Variants in CLYBL observed in about 807,000 individuals in gnomAD.
The protein encoded by CLYBL is citramalyl-CoA lyase.
In CLYBL, 31 loss-of-function variants were observed where a neutral mutation model predicts 38.9. That is an observed-to-expected ratio of 0.80 (90% confidence interval 0.60 to 1.08). The LOEUF (loss-of-function observed/expected upper bound fraction) is 1.08. CLYBL is among the 50% of genes least tolerant of loss of function. CLYBL has a pLI of 0.00. For missense variants in CLYBL, 434 were observed against 411.6 expected (o/e 1.05, Z -0.47); for synonymous variants, 171 against 158.6 (o/e 1.08, Z -0.59).
chr13:99,700,307 T>C (rs1174085896), intron 1 of CLYBL, among the ~76,000 whole-genome samples: 1 of 151,842 alleles, frequency 6.6e-6, no homozygotes, highest in African/African-American at 2.4e-5. Context: ...TAGGCGAGCA[T>C]GGTGGCGCGC....
intron 2 of CLYBL, among the ~76,000 whole-genome samples, chr13:99,775,940 G>A (rs1034916003): frequency 1.3e-5 from 2 of 151,850 alleles, no homozygotes; most frequent in Non-Finnish European, 2.9e-5. Context: ...GAGGTGGGCA[G>A]ATCACAAGGT....
At chr13:99,607,755 A>T (rs561439878) in intron 1 of CLYBL, among the ~76,000 whole-genome samples, 2 of 151,828 alleles carry the variant, frequency 1.3e-5, no homozygotes, top group Non-Finnish European at 2.9e-5. Flanking sequence ...ATTTATTTTT[A>T]TTTTTTGAGA....
intron 3 of CLYBL, among the ~76,000 whole-genome samples, chr13:99,861,286 A>G (rs1016278333): frequency 6.6e-6 from 1 of 152,126 alleles, no homozygotes; most frequent in African/African-American, 2.4e-5. Flanking sequence ...AAATGCCCCT[A>G]TTGGCTTAAA....
intron 1 of CLYBL, among the ~76,000 whole-genome samples, chr13:99,710,028 A>C (rs1427187829): frequency 7.1e-6 from 1 of 140,938 alleles, no homozygotes; most frequent in Non-Finnish European, 1.5e-5. Flanking sequence ...GGTTCACGCC[A>C]TTCTCCTGCC....
intron 1 of CLYBL, among the ~76,000 whole-genome samples, chr13:99,613,263 A>G (rs1470077318): frequency 2.0e-5 from 3 of 152,142 alleles, no homozygotes; most frequent in African/African-American, 7.2e-5. Context: ...CCAGGAAGGT[A>G]CTTCACATTT....
intron 1 of CLYBL, among the ~76,000 whole-genome samples, chr13:99,688,338 G>C (rs908821984): frequency 2.6e-5 from 4 of 151,922 alleles, no homozygotes; most frequent in African/African-American, 9.7e-5. Flanking sequence ...TTAAAAGTGA[G>C]AAAAATATTA....
At chr13:99,743,988 T>TTG (rs2048803760) in intron 1 of CLYBL, among the ~76,000 whole-genome samples, 1 of 146,904 alleles carries the variant, frequency 6.8e-6, no homozygotes, top group African/African-American at 2.5e-5. Flanking sequence ...TTTTTTTTTT[T>TTG]TTGAGACGGA....
intron 2 of CLYBL, among the ~76,000 whole-genome samples, chr13:99,839,334 G>A (rs934586510): frequency 1.9e-4 from 29 of 152,174 alleles, no homozygotes; most frequent in Non-Finnish European, 7.3e-5. Flanking sequence ...GGAAACATAC[G>A]GACCACACTT....
At chr13:99,669,925 G>T (rs2047540065) in intron 1 of CLYBL, among the ~76,000 whole-genome samples, 2 of 152,192 alleles carry the variant, frequency 1.3e-5, no homozygotes, top group African/African-American at 4.8e-5. Flanking sequence ...GGGCGCCATG[G>T]CTTACGCCTG....
intron 1 of CLYBL, among the ~76,000 whole-genome samples, chr13:99,711,426 T>TTA (rs2048230025): frequency 8.0e-6 from 1 of 124,832 alleles, no homozygotes; most frequent in Non-Finnish European, 1.6e-5. Context: ...TTTTTTTTTT[T>TTA]GAGACGGAGT....
intron 1 of CLYBL, among the ~76,000 whole-genome samples, chr13:99,707,912 G>A (rs968597452): frequency 6.6e-6 from 1 of 152,166 alleles, no homozygotes; most frequent in Admixed American, 6.5e-5. Flanking sequence ...CAACTGATAT[G>A]CTTTCAGCCA....
At position 99,721,472 on chromosome 13, in the gene CLYBL, AAT is replaced by A. The variant is rs147301640; in HGVS notation, c.63-51339_63-51338del. Among the ~76,000 whole-genome samples, 1,427 of 149,766 alleles carry A rather than the reference AAT, an allele frequency of 9.5e-3. 17 individuals are homozygous for A. Among genetic ancestry groups the A allele is most frequent in the Non-Finnish European group, 0.014 (918 of 67,464 alleles). ...TTTCTTTTTTTATTTTCTTTTTTTAAATATATATATATATTTTTATTACACTT... is the reference window on the plus strand; with the variant it reads ...TTTCTTTTTTTATTTTCTTTTTTTAAATATATATATATTTTTATTACACTT... On this transcript the variant is annotated intron_variant, in intron 1 of 8. Coordinates refer to ENST00000339105, the MANE Select transcript of CLYBL (RefSeq NM_206808.5).
chr13:99,787,355 C>A (rs2049818826), intron 2 of CLYBL, among the ~76,000 whole-genome samples: 1 of 152,050 alleles, frequency 6.6e-6, no homozygotes, highest in African/African-American at 2.4e-5. Flanking sequence ...AGTCTTTAAT[C>A]CATCTTGAAT....
intron 1 of CLYBL, among the ~76,000 whole-genome samples, chr13:99,666,807 A>T (rs906682198): frequency 2.0e-5 from 3 of 152,204 alleles, no homozygotes; most frequent in African/African-American, 7.2e-5. Flanking sequence ...GCCACCAGAG[A>T]TGGACAAACC....
chr13:99,679,204 G>C (rs925804344), intron 1 of CLYBL, among the ~76,000 whole-genome samples: 1 of 151,404 alleles, frequency 6.6e-6, no homozygotes, highest in Non-Finnish European at 1.5e-5. Context: ...TGAGGCAGGA[G>C]AATGGCGTGA....
At chr13:99,762,779 T>C (rs149237592) in intron 1 of CLYBL, among the ~76,000 whole-genome samples, 1 of 152,346 alleles carries the variant, frequency 6.6e-6, no homozygotes, top group East Asian at 1.9e-4. Flanking sequence ...TTTAATGATA[T>C]TAAAGCTGTG....
At chr13:99,779,138 G>A (rs547630103) in intron 2 of CLYBL, among the ~76,000 whole-genome samples, 1 of 151,900 alleles carries the variant, frequency 6.6e-6, no homozygotes, top group Admixed American at 6.6e-5. Context: ...TTCTGAGTGG[G>A]GTTTTTTGTT....
chr13:99,716,155 GC>G (rs2048307706), intron 1 of CLYBL, among the ~76,000 whole-genome samples: 1 of 60,370 alleles, frequency 1.7e-5, no homozygotes. Context: ...AATTGTCCTT[GC>G]TTTATTGGTG....
rs529913069 is a variant in CLYBL, at chr13:99,865,287, T to C, written c.634+376T>C. 23 of 266,040 alleles carry C rather than the reference T, an allele frequency of 8.6e-5. No homozygotes were observed. The South Asian group carries it at 1.0e-3, about 12-fold the overall frequency. The allele number at this position is 266,040 out of a possible 1,614,324, so 16.5% of individuals were successfully genotyped here. A position where few individuals can be genotyped will look rare whatever the true frequency, so the allele number is the denominator to read the frequency against. ...CATATCAGTCTGTGGGCTGTCTAGA[T>C]TTCTAACGCAAATTTAAGGCAATTT... is the stretch of plus-strand genomic sequence containing the variant. On this transcript the variant is annotated intron_variant, in intron 5 of 8. Coordinates refer to ENST00000339105, the MANE Select transcript of CLYBL (RefSeq NM_206808.5). This position sits in a 1 kb window ranked among gnomAD's most constrained non-coding sequence, Gnocchi z 4.7.
Sources: allele counts gnomAD v4.1 joint callset (sites outside exome capture counted in the v4.1 genomes callset), GRCh38; gene constraint gnomAD v4.1.1; non-coding constraint Gnocchi (gnomAD v3.1); transcripts MANE v1.5; gene names NCBI Gene and HGNC (gene_info 2026-07-23, HGNC 2026-07-21).